The following ZNF385B variants were observed in gnomAD, a reference collection of about 807,000 sequenced individuals.
ZNF385B encodes zinc finger protein 533.
A neutral mutation model predicts 39.2 loss-of-function variants in ZNF385B; 23 were observed. That is an observed-to-expected ratio of 0.59 (90% confidence interval 0.42 to 0.83). The LOEUF is 0.83. Ranked by LOEUF, ZNF385B falls within the 40% of genes least tolerant of loss-of-function variation. The pLI, the probability that ZNF385B is intolerant of heterozygous loss-of-function variation, is 0.00. For missense variants in ZNF385B, 552 were observed against 598.9 expected (o/e 0.92, Z 0.82); for synonymous variants, 205 against 222.6 (o/e 0.92, Z 0.70).
At chr2:179,661,824 T>C (rs1335461483) in intron 3 of ZNF385B, among the ~76,000 whole-genome samples, 1 of 152,222 alleles carries the variant, frequency 6.6e-6, no homozygotes, top group Admixed American at 6.5e-5. Flanking sequence ...ACTTGTGTCA[T>C]AGCTGTTCAT....
chr2:179,572,293 T>C (rs1354073053), intron 3 of ZNF385B, among the ~76,000 whole-genome samples: 2 of 152,176 alleles, frequency 1.3e-5, no homozygotes, highest in Non-Finnish European at 2.9e-5. Context: ...AGGTGTTAAG[T>C]ATATAATGAT....
At chr2:179,632,348 T>C (rs1691311109) in intron 3 of ZNF385B, among the ~76,000 whole-genome samples, 1 of 152,146 alleles carries the variant, frequency 6.6e-6, no homozygotes. Flanking sequence ...CACAACAAAC[T>C]GTCTCTCAGA....
intron 3 of ZNF385B, among the ~76,000 whole-genome samples, chr2:179,699,677 C>A (rs150504873): frequency 4.6e-5 from 7 of 152,160 alleles, no homozygotes. Context: ...CAACCCTGAT[C>A]CACTTGAGCA....
At chr2:179,714,473 A>G (rs1326307265) in intron 3 of ZNF385B, among the ~76,000 whole-genome samples, 2 of 152,180 alleles carry the variant, frequency 1.3e-5, no homozygotes, top group African/African-American at 2.4e-5. Context: ...CAAAGGAGAT[A>G]GGTTAGGAAA....
chr2:179,502,149 G>A (rs1396187797), intron 5 of ZNF385B, among the ~76,000 whole-genome samples: 1 of 152,102 alleles, frequency 6.6e-6, no homozygotes, highest in Non-Finnish European at 1.5e-5. Flanking sequence ...TACTTCCACT[G>A]TATCTTAAAA....
intron 1 of ZNF385B, among the ~76,000 whole-genome samples, chr2:179,827,814 GC>G (rs1193489140): frequency 6.6e-6 from 1 of 152,124 alleles, no homozygotes; most frequent in African/African-American, 2.4e-5. Context: ...CATGTAGCTA[GC>G]ATCAAGATCG....
At chr2:179,615,770 T>C (rs1689677463) in intron 3 of ZNF385B, among the ~76,000 whole-genome samples, 2 of 152,292 alleles carry the variant, frequency 1.3e-5, no homozygotes, top group African/African-American at 4.8e-5. Flanking sequence ...AATCAGACTG[T>C]CTGGGCTGGA....
At chr2:179,586,585 G>T (rs1415314534) in intron 3 of ZNF385B, among the ~76,000 whole-genome samples, 1 of 152,212 alleles carries the variant, frequency 6.6e-6, no homozygotes, top group Non-Finnish European at 1.5e-5. Context: ...ATATTCGGCT[G>T]CCACCCCATT....
At chr2:179,757,040 T>C (rs1427194436) in intron 3 of ZNF385B, among the ~76,000 whole-genome samples, 1 of 152,222 alleles carries the variant, frequency 6.6e-6, no homozygotes, top group Non-Finnish European at 1.5e-5. Flanking sequence ...AGAGGTGCTC[T>C]GATTTTTAGA....
chr2:179,645,244 A>G (rs1692617028), intron 3 of ZNF385B, among the ~76,000 whole-genome samples: 1 of 152,216 alleles, frequency 6.6e-6, no homozygotes, highest in African/African-American at 2.4e-5. Flanking sequence ...GTATTGTGAC[A>G]CCCAATCTTA....
Position 179,444,876 on chromosome 2 carries a change from T to A in ZNF385B, c.1242A>T (p.Ala414=). Residue 414 remains alanine (A), a splice_region_variant and synonymous_variant, in exon 9 of 10, where the codon GCA becomes GCT. Transcript: ENST00000410066. ...AGGTGAGCAGGTGAGGTAAACTTAC[T>A]GCTAGAATACTCGGGCTCCGCTGGA... The part of the protein sequence containing the change: ...NKLQRSPSIL[A]AKLAFQKDMM... The A allele has an allele frequency of 5.6e-6, 9 of 1,613,898 alleles. No homozygotes were observed. The highest frequency in any genetic ancestry group is 7.6e-6 in the Non-Finnish European group (9 of 1,179,802).
chr2:179,648,730 T>G (rs1692960831), intron 3 of ZNF385B, among the ~76,000 whole-genome samples: 1 of 152,018 alleles, frequency 6.6e-6, no homozygotes, highest in Non-Finnish European at 1.5e-5. Context: ...GGCTCCTGAG[T>G]CAAAAGGACA....
chr2:179,847,086 C>T (rs1055951396), intron 1 of ZNF385B, among the ~76,000 whole-genome samples: 10 of 152,212 alleles, frequency 6.6e-5, no homozygotes, highest in African/African-American at 2.4e-4. Flanking sequence ...CTGAAGAACA[C>T]AAATATACTC....
intron 1 of ZNF385B, among the ~76,000 whole-genome samples, chr2:179,805,439 C>T (rs1007469846): frequency 6.6e-6 from 1 of 152,148 alleles, no homozygotes; most frequent in African/African-American, 2.4e-5. Context: ...AACCAAAACA[C>T]CATTCATGAA....
intron 3 of ZNF385B, among the ~76,000 whole-genome samples, chr2:179,614,851 G>A (rs915592136): frequency 3.3e-5 from 5 of 152,160 alleles, no homozygotes; most frequent in East Asian, 3.8e-4. Context: ...TTATTATAGA[G>A]GGTAAATGGC....
chr2:179,515,175 T>A (rs2105791426), intron 5 of ZNF385B, among the ~76,000 whole-genome samples: 1 of 152,298 alleles, frequency 6.6e-6, no homozygotes, highest in South Asian at 2.1e-4. Context: ...TATTATTCAG[T>A]CAGTGTTCAA....
chr2:179,676,189 T>C (rs568365376), intron 3 of ZNF385B, among the ~76,000 whole-genome samples: 26 of 139,772 alleles, frequency 1.9e-4, no homozygotes, highest in South Asian at 4.7e-4. Flanking sequence ...CCCGGGTTCA[T>C]GCCATTCTCC....
intron 6 of ZNF385B, among the ~76,000 whole-genome samples, chr2:179,476,364 C>T (rs1241102652): frequency 2.6e-5 from 4 of 151,982 alleles, no homozygotes; most frequent in African/African-American, 7.3e-5. Context: ...AAAATAAATT[C>T]GAATGAGGGT....
chr2:179,836,535 G>A (rs894211580), intron 1 of ZNF385B, among the ~76,000 whole-genome samples: 3 of 45,248 alleles, frequency 6.6e-5, no homozygotes, highest in African/African-American at 2.6e-4. Flanking sequence ...TTTTTGAGAC[G>A]GAGTCTCGCT....
Sources: gnomAD v4.1 joint callset for allele counts (sites outside exome capture counted in the v4.1 genomes callset) on GRCh38, gnomAD v4.1.1 for gene constraint, MANE v1.5 for transcripts, NCBI Gene and HGNC (gene_info 2026-07-23, HGNC 2026-07-21) for gene names.